The following AGBL4 variants were observed in gnomAD, a reference collection of about 807,000 sequenced individuals.
AGBL4 encodes cytosolic carboxypeptidase 6.
Under a neutral mutation model 66.4 loss-of-function variants are expected in AGBL4, and 58 were observed. The ratio of observed to expected loss-of-function variants is 0.87; its 90% CI spans 0.71 to 1.09. The LOEUF (loss-of-function observed/expected upper bound fraction) is 1.09, where lower values mean the gene tolerates loss of function less well. AGBL4 is among the 50% of genes least tolerant of loss of function. The pLI, the probability that AGBL4 is intolerant of heterozygous loss-of-function variation, is 0.00. For missense variants in AGBL4, 579 were observed against 631.0 expected (o/e 0.92, Z 0.88); for synonymous variants, 234 against 222.9 (o/e 1.05, Z -0.44).
intron 1 of AGBL4, among the ~76,000 whole-genome samples, chr1:49,880,994 G>A (rs901138782): frequency 6.6e-6 from 1 of 152,230 alleles, no homozygotes; most frequent in African/African-American, 2.4e-5. Flanking sequence ...TCCCAGGTGA[G>A]GCAATGCCTT....
At chr1:49,668,546 A>AGGTGT (rs1646412879) in intron 3 of AGBL4, among the ~76,000 whole-genome samples, 1 of 152,132 alleles carries the variant, frequency 6.6e-6, no homozygotes, top group African/African-American at 2.4e-5. Flanking sequence ...AATAGGAAGC[A>AGGTGT]GTCTGTAATG....
intron 3 of AGBL4, among the ~76,000 whole-genome samples, chr1:49,513,408 C>T (rs1189458375): frequency 1.3e-5 from 2 of 151,902 alleles, no homozygotes; most frequent in Non-Finnish European, 2.9e-5. Context: ...GTTTTTTAAC[C>T]TATCCCACTC....
At chr1:49,237,257 C>T (rs552845863) in intron 4 of AGBL4, among the ~76,000 whole-genome samples, 34 of 150,210 alleles carry the variant, frequency 2.3e-4, no homozygotes, top group Admixed American at 1.7e-3. Flanking sequence ...AGGGAGACTA[C>T]GTCTAAAAAA....
At chr1:49,972,745 T>C (rs143257105) in intron 1 of AGBL4, among the ~76,000 whole-genome samples, 1 of 152,184 alleles carries the variant, frequency 6.6e-6, no homozygotes, top group Non-Finnish European at 1.5e-5. Context: ...CTGTGCCTAA[T>C]TTATAAACTA....
intron 11 of AGBL4, among the ~76,000 whole-genome samples, chr1:48,579,264 G>A (rs1042677929): frequency 6.6e-6 from 1 of 151,672 alleles, no homozygotes; most frequent in Non-Finnish European, 1.5e-5. Context: ...GGCTTGCTCT[G>A]TCCCCAAGGC....
At chr1:49,665,380 C>T (rs1646344639) in intron 3 of AGBL4, among the ~76,000 whole-genome samples, 1 of 152,084 alleles carries the variant, frequency 6.6e-6, no homozygotes, top group Admixed American at 6.6e-5. Context: ...CCCAGTTCTA[C>T]AAACTGTATT....
chr1:49,052,769 C>A (rs1000776392), intron 4 of AGBL4, among the ~76,000 whole-genome samples: 1 of 152,110 alleles, frequency 6.6e-6, no homozygotes, highest in Non-Finnish European at 1.5e-5. Context: ...TTGCATAAAA[C>A]CTAGCATATA....
intron 6 of AGBL4, among the ~76,000 whole-genome samples, chr1:48,822,142 G>T (rs547807098): frequency 6.6e-5 from 10 of 152,254 alleles, no homozygotes; most frequent in African/African-American, 1.9e-4. Flanking sequence ...TGGAAAACTG[G>T]AAGTTTCTTA....
chr1:48,632,623 C>G (rs75040878), intron 9 of AGBL4, among the ~76,000 whole-genome samples: 4,129 of 152,286 alleles, frequency 0.027, 174 homozygotes, highest in African/African-American at 0.092. Flanking sequence ...TGTGCCTCAT[C>G]ATTCTACCTG....
At chr1:49,903,144 C>A (rs1462220726) in intron 1 of AGBL4, among the ~76,000 whole-genome samples, 3 of 152,062 alleles carry the variant, frequency 2.0e-5, no homozygotes, top group Non-Finnish European at 4.4e-5. Flanking sequence ...ACATATATAC[C>A]AGGGAATACT....
chr1:49,793,399 C>A (rs146235124), intron 2 of AGBL4, among the ~76,000 whole-genome samples: 2 of 152,038 alleles, frequency 1.3e-5, no homozygotes, highest in East Asian at 3.9e-4. Context: ...TTTGAGCACA[C>A]CAGGGTACTC....
In AGBL4 at chr1:48,715,357, C is replaced by A. The variant is rs1019325424; in HGVS notation, c.635-52116G>T. Among the ~76,000 whole-genome samples, 5 of 152,300 alleles carry A rather than the reference C, an allele frequency of 3.3e-5. No homozygotes were observed. In the South Asian group the frequency reaches 1.0e-3, roughly 32 times the overall value. On this transcript the variant is annotated intron_variant, in intron 6 of 13. Coordinates refer to ENST00000371839, the MANE Select transcript of AGBL4 (RefSeq NM_032785.4). ...ATGGCTTCAATCCAGCCCAGTAACA[C>A]CCATCCCTTCAATCATTCATTCATT... is the stretch of plus-strand genomic sequence containing the variant.
At chr1:49,742,395 T>A (rs1650584168) in intron 2 of AGBL4, among the ~76,000 whole-genome samples, 1 of 152,022 alleles carries the variant, frequency 6.6e-6, no homozygotes, top group South Asian at 2.1e-4. Context: ...CTCAACGAAA[T>A]AAAAGAGAAT....
intron 5 of AGBL4, among the ~76,000 whole-genome samples, chr1:49,015,762 T>G (rs1662774812): frequency 1.3e-5 from 2 of 152,202 alleles, no homozygotes; most frequent in East Asian, 3.9e-4. Context: ...CCGTTCTATA[T>G]CCTTTGAATT....
intron 2 of AGBL4, among the ~76,000 whole-genome samples, chr1:49,735,896 G>C (rs1365960770): frequency 6.6e-6 from 1 of 151,672 alleles, no homozygotes; most frequent in Non-Finnish European, 1.5e-5. Context: ...CAACTTAATT[G>C]AAAAACAAAA....
chr1:50,010,984 A>G (rs1214894451), intron 1 of AGBL4, among the ~76,000 whole-genome samples: 3 of 152,224 alleles, frequency 2.0e-5, no homozygotes, highest in Admixed American at 1.3e-4. Context: ...CATCAAGTTA[A>G]AAAGCATCTG....
chr1:49,395,934 C>A (rs1570614004), intron 3 of AGBL4, among the ~76,000 whole-genome samples: 1 of 149,056 alleles, frequency 6.7e-6, no homozygotes, highest in East Asian at 2.0e-4. Flanking sequence ...ACAGAGCATC[C>A]CCTTACCCTC....
chr1:48,861,063 C>A (rs1213946015), intron 6 of AGBL4, among the ~76,000 whole-genome samples: 4 of 151,902 alleles, frequency 2.6e-5, no homozygotes, highest in Non-Finnish European at 5.9e-5. Context: ...AAAACAAGAA[C>A]AGGTGGGTAT....
chr1:49,817,508 G>A (rs889548329), intron 2 of AGBL4, among the ~76,000 whole-genome samples: 14 of 151,960 alleles, frequency 9.2e-5, no homozygotes, highest in Admixed American at 3.9e-4. Flanking sequence ...ATTCTCATTC[G>A]CAATACTGTT....
Sources: gnomAD v4.1 joint callset for allele counts (sites outside exome capture counted in the v4.1 genomes callset) on GRCh38, gnomAD v4.1.1 for gene constraint, MANE v1.5 for transcripts, NCBI Gene and HGNC (gene_info 2026-07-23, HGNC 2026-07-21) for gene names.